The following PIGY variants were observed in gnomAD, a reference collection of about 807,000 sequenced individuals.
PIGY encodes the protein phosphatidylinositol N-acetylglucosaminyltransferase subunit Y.
PIGY carries 3 observed loss-of-function variants against 4.1 expected under a neutral mutation model. The ratio of observed to expected loss-of-function variants is 0.73; its 90% CI spans 0.33 to 1.89. PIGY has a LOEUF of 1.89. Ranked by LOEUF, PIGY falls within the 40% of genes most tolerant of loss-of-function variation. The pLI, the probability that PIGY is intolerant of heterozygous loss-of-function variation, is 0.08. For missense variants in PIGY, 78 were observed against 80.3 expected, an observed-to-expected ratio of 0.97 and a Z score of 0.11; for synonymous variants, 33 against 31.4, an observed-to-expected ratio of 1.05 and a Z score of -0.18.
In PIGY at chr4:88,521,756, T is replaced by A. The variant is rs1419495538; in HGVS notation, c.34A>T (p.Ile12Phe). 1 of 1,613,604 alleles carries A rather than the reference T, an allele frequency of 6.2e-7. No individual in the cohort carries two copies. The highest frequency in any genetic ancestry group is 1.1e-5 in the South Asian group (1 of 91,044). ...FLSLPTLTVLIPLVSLAGLFY... is the reference protein window; with the variant it reads ...FLSLPTLTVLFPLVSLAGLFY... ...AGTCCTGCTAAAGAAACCAGTGGAA[T>A]AAGAACAGTCAACGTAGGAAGAGAC... The change falls in exon 2 of 2, where the codon ATT becomes TTT. Residue 12 changes from isoleucine to phenylalanine, a missense_variant. Physicochemically the swap from Ile to Phe is conservative, Grantham distance 21. Transcript: ENST00000527353.
In PIGY at chr4:88,521,687, T is replaced by C. The variant is rs563329110; in HGVS notation, c.103A>G (p.Thr35Ala). The change falls in exon 2 of 2, where the codon ACT (threonine) becomes GCT (alanine). Residue 35 changes from threonine (T) to alanine (A), a missense_variant. Physicochemically the swap from Thr to Ala is moderately conservative, Grantham distance 58. Coordinates refer to ENST00000527353, the MANE Select transcript of PIGY (RefSeq NM_001042616.3). ...SVEENFPQGC[T>A]STASLCFYSL... is the part of the protein sequence containing the mutation. ...TAAAAGCAAAGGCTGGCTGTGCTAGTGCAGCCCTGTGGGAAGTTTTCTTCC... is the reference window on the plus strand; with the variant it reads ...TAAAAGCAAAGGCTGGCTGTGCTAGCGCAGCCCTGTGGGAAGTTTTCTTCC... 1.9e-6 allele frequency: 3 copies of C among 1,613,906 alleles called. No homozygotes were observed. Among genetic ancestry groups the C allele is most frequent in the Non-Finnish European group, 2.5e-6 (3 of 1,179,786 alleles).
intron 1 of PIGY, among the ~76,000 whole-genome samples, chr4:88,522,891 TTTCA>T (rs1195605197): frequency 1.3e-5 from 2 of 152,184 alleles, no homozygotes; most frequent in Admixed American, 1.3e-4. Flanking sequence ...CAACAATACT[TTTCA>T]TTATCTTGGC....
chr4:88,523,043 AG>A (rs1237556094), intron 1 of PIGY, among the ~76,000 whole-genome samples: 1 of 151,852 alleles, frequency 6.6e-6, no homozygotes, highest in African/African-American at 2.4e-5. Context: ...TCGACTCCTG[AG>A]GAGGCTGAGG....
In PIGY at chr4:88,523,693, C is replaced by G; in HGVS notation, c.-436G>C. ...TGAGGCGAGCCTGCAGCGTGCTCCA[C>G]TCAGCATGGTCTGGCAGCCGGAGAC... On this transcript the variant is annotated 5_prime_UTR_variant, in exon 1 of 2. Coordinates refer to ENST00000527353, the MANE Select transcript of PIGY (RefSeq NM_001042616.3). The G allele has an allele frequency of 2.0e-6, 3 of 1,486,802 alleles. No homozygotes were observed. The highest frequency in any genetic ancestry group is 1.3e-5 in the South Asian group (1 of 75,676). 92.1% of individuals were successfully genotyped at this position (1,486,802 alleles called of 1,614,324 possible).
At position 88,523,521 on chromosome 4, in the gene PIGY, G is replaced by C; in HGVS notation, c.-264C>G. On this transcript the variant is annotated 5_prime_UTR_variant, in exon 1 of 2. Coordinates refer to ENST00000527353, the MANE Select transcript of PIGY (RefSeq NM_001042616.3). ...ACCTGAGCGGCTTCTTGGAGAGCGG[G>C]CACACCAGGAACTCCAGCAGCGCCG... The C allele has an allele frequency of 6.4e-7, 1 of 1,551,276 alleles. No homozygotes were observed. Among genetic ancestry groups the C allele is most frequent in the Non-Finnish European group, 8.7e-7 (1 of 1,146,868 alleles).
In PIGY at chr4:88,521,902, C is replaced by T. The variant is rs374018823; in HGVS notation, c.-113G>A. ...TAAATTATGAACTAGCGCTGCTCCA[C>T]TTCTTCTTGCTTCTTACTTTGACGT... On this transcript the variant is annotated 5_prime_UTR_variant, in exon 2 of 2. In the 5' UTR this introduces an upstream ATG that the reference lacks. Transcript: ENST00000527353. The T allele has an allele frequency of 1.7e-5, 26 of 1,550,258 alleles. No individual in the cohort carries two copies. Among genetic ancestry groups the T allele is most frequent in the South Asian group, 1.3e-4 (11 of 83,570 alleles).
In PIGY at chr4:88,523,559, G is replaced by A. The variant is rs1377584797; in HGVS notation, c.-302C>T. The stretch of plus-strand genomic sequence containing the variant: ...TCCAGCAGCGCCGGATCGAAGTCGC[G>A]GGGCGGCTCCTCAGTCTTCTTGCCC... On this transcript the variant is annotated 5_prime_UTR_variant, in exon 1 of 2. Coordinates refer to ENST00000527353, the MANE Select transcript of PIGY (RefSeq NM_001042616.3). 3 of 1,550,798 alleles carry A rather than the reference G, an allele frequency of 1.9e-6. No homozygotes were observed. Among genetic ancestry groups the A allele is most frequent in the Admixed American group, 3.9e-5 (2 of 50,988 alleles).
Position 88,521,443 on chromosome 4 carries a change from CCA to C in PIGY, c.*129_*130del. 1 of 786,362 alleles carries C rather than the reference CCA, an allele frequency of 1.3e-6. No homozygotes were observed. Among genetic ancestry groups the C allele is most frequent in the South Asian group, 1.9e-5 (1 of 51,374 alleles). 48.7% of individuals were successfully genotyped at this position (786,362 alleles called of 1,614,324 possible). A position where few individuals can be genotyped will look rare whatever the true frequency, so the allele number is the denominator to read the frequency against. ...AAGAAGCATCTGCAACTTAAGCCTC[CCA>C]CAGTCCTAAGCCTGATATGCGCAAA... is the stretch of plus-strand genomic sequence containing the variant. On this transcript the variant is annotated 3_prime_UTR_variant, in exon 2 of 2. Transcript: ENST00000527353.
chr4:88,521,708 C>T lies in PIGY; in HGVS notation c.82G>A (p.Glu28Lys). The T allele has an allele frequency of 6.2e-7, 1 of 1,613,948 alleles. No homozygotes were observed. Among genetic ancestry groups the T allele is most frequent in the Non-Finnish European group, 8.5e-7 (1 of 1,179,850 alleles). Residue 28 changes from glutamate (E) to lysine (K), a missense_variant, in exon 2 of 2, where the codon GAA becomes AAA. By Grantham distance (56) the Glu-to-Lys change is moderately conservative. Transcript: ENST00000527353. ...AGLFYSASVEENFPQGCTSTA... is the reference protein window; with the variant it reads ...AGLFYSASVEKNFPQGCTSTA... ...CTAGTGCAGCCCTGTGGGAAGTTTTCTTCCACAGAGGCTGAGTAGAACAGT... is the reference window on the plus strand; with the variant it reads ...CTAGTGCAGCCCTGTGGGAAGTTTTTTTCCACAGAGGCTGAGTAGAACAGT...
intron 1 of PIGY, among the ~76,000 whole-genome samples, chr4:88,522,879 TACA>T (rs1742419782): frequency 6.6e-6 from 1 of 152,208 alleles, no homozygotes; most frequent in South Asian, 2.1e-4. Flanking sequence ...ATCTGGAGGG[TACA>T]ACAATACTTT....
Position 88,521,886 on chromosome 4 carries a change from A to G in PIGY, c.-97T>C, listed in dbSNP as rs1187453224. 6.5e-7 allele frequency: 1 copy of G among 1,548,268 alleles called. No individual in the cohort carries two copies. The highest frequency in any genetic ancestry group is 8.7e-7 in the Non-Finnish European group (1 of 1,146,192). ...GTTTTTTTAATTTTTTTAAATTATG[A>G]ACTAGCGCTGCTCCACTTCTTCTTG... On this transcript the variant is annotated 5_prime_UTR_variant, in exon 2 of 2. Transcript: ENST00000527353.
At chr4:88,522,797 C>G (rs1257871280) in intron 1 of PIGY, among the ~76,000 whole-genome samples, 1 of 152,210 alleles carries the variant, frequency 6.6e-6, no homozygotes, top group African/African-American at 2.4e-5. Flanking sequence ...CAACTAAGAG[C>G]CACTGGGCAG....
At position 88,521,833 on chromosome 4, in the gene PIGY, T is replaced by C. The variant is rs1439465992; in HGVS notation, c.-44A>G. 6.3e-7 allele frequency: 1 copy of C among 1,582,866 alleles called. No homozygotes were observed. Among genetic ancestry groups the C allele is most frequent in the Non-Finnish European group, 8.6e-7 (1 of 1,164,640 alleles). On this transcript the variant is annotated 5_prime_UTR_variant, in exon 2 of 2. The change creates a new upstream start codon in the 5' untranslated region. Coordinates refer to ENST00000527353, the MANE Select transcript of PIGY (RefSeq NM_001042616.3). ...ACCTGCCACTGTGTTTTAAAAGGTA[T>C]ATGGTATTAAGAAAAGTTGGCTGTT...
chr4:88,522,065 G>C, intron 1 of PIGY, 36 bp from the exon 2 acceptor site: 1 of 1,508,460 alleles, frequency 6.6e-7, no homozygotes, highest in Non-Finnish European at 8.9e-7. Context: ...ATGAGTTGTG[G>C]GAAAATAAAA....
Position 88,521,552 on chromosome 4 carries a change from C to A in PIGY, c.*22G>T. 1 of 1,556,768 alleles carries A rather than the reference C, an allele frequency of 6.4e-7. No homozygotes were observed. ...GCCCAAGAGCTATCATTAATATATACAGCATATTGACTCTAGTTGCATCAA... is the reference window on the plus strand; with the variant it reads ...GCCCAAGAGCTATCATTAATATATAAAGCATATTGACTCTAGTTGCATCAA... On this transcript the variant is annotated 3_prime_UTR_variant, in exon 2 of 2. Transcript: ENST00000527353.
At chr4:88,523,390 G>A (rs1210625931) in intron 1 of PIGY, 108 bp downstream of exon 1, 22 of 1,154,614 alleles carry the variant, frequency 1.9e-5, no homozygotes, top group Non-Finnish European at 2.8e-5. Flanking sequence ...GCAGCGGAGA[G>A]TACCTGACCG....
Position 88,521,843 on chromosome 4 carries a change from A to G in PIGY, c.-54T>C. 1 of 1,571,098 alleles carries G rather than the reference A, an allele frequency of 6.4e-7. No homozygotes were observed. The highest frequency in any genetic ancestry group is 1.2e-5 in the South Asian group (1 of 84,826). On this transcript the variant is annotated 5_prime_UTR_variant, in exon 2 of 2. Transcript: ENST00000527353. The stretch of plus-strand genomic sequence containing the variant: ...GTGTTTTAAAAGGTATATGGTATTA[A>G]GAAAAGTTGGCTGTTGCGTTTTTTT...
chr4:88,522,102 ATACCACC>A, intron 1 of PIGY, 73 bp from the exon 2 acceptor site: 2 of 1,373,706 alleles, frequency 1.5e-6, no homozygotes, highest in Non-Finnish European at 1.9e-6. Context: ...TTTTCAACAA[ATACCACC>A]ATTTATCCAA....
In PIGY at chr4:88,523,499, T is replaced by A; in HGVS notation, c.-242A>T. On this transcript the variant is annotated splice_region_variant and 5_prime_UTR_variant, in exon 1 of 2. An upstream open reading frame in the 5' UTR gains an earlier in-frame stop. Coordinates refer to ENST00000527353, the MANE Select transcript of PIGY (RefSeq NM_001042616.3). ...GAAGGGCCAAGGCCAGCGAGTTACC[T>A]GAGCGGCTTCTTGGAGAGCGGGCAC... 1 of 1,551,118 alleles carries A rather than the reference T, an allele frequency of 6.4e-7. No homozygotes were observed.
Sources: allele counts gnomAD v4.1 joint callset (sites outside exome capture counted in the v4.1 genomes callset), GRCh38; gene constraint gnomAD v4.1.1; transcripts MANE v1.5; gene names NCBI Gene and HGNC (gene_info 2026-07-23, HGNC 2026-07-21).